Variants in AFF3 observed in about 807,000 individuals in gnomAD.
AFF3 encodes the protein ALF transcription elongation factor 3.
AFF3 carries 32 observed loss-of-function variants against 129.7 expected under a neutral mutation model. The ratio of observed to expected loss-of-function variants is 0.25; its 90% CI spans 0.19 to 0.33. The LOEUF (loss-of-function observed/expected upper bound fraction) is 0.33, where lower values mean the gene tolerates loss of function less well. Among genes scored for constraint, AFF3 ranks in the 10% least tolerant of loss-of-function variants. The probability of loss-of-function intolerance (pLI) is 1.00; values close to 1 mark genes in which losing one functional copy is unlikely to be tolerated. For synonymous variants in AFF3, 644 were observed against 635.4 expected, an observed-to-expected ratio of 1.01 and a Z score of -0.20; for missense variants, 1,373 against 1,592.0, an observed-to-expected ratio of 0.86 and a Z score of 2.34.
At chr2:99,688,736 T>G (rs1393734806) in intron 11 of AFF3, among the ~76,000 whole-genome samples, 1 of 152,090 alleles carries the variant, frequency 6.6e-6, no homozygotes, top group Non-Finnish European at 1.5e-5. Flanking sequence ...AACCATGACA[T>G]CCATGACTGC....
intron 8 of AFF3, 69 bp from the exon 9 acceptor site, chr2:99,752,370 C>G (rs1681727250): frequency 1.4e-6 from 2 of 1,390,080 alleles, no homozygotes; most frequent in Admixed American, 1.8e-5. Context: ...GTATGTAAAG[C>G]AGCTGTACAA....
chr2:99,805,611 A>G (rs1374665662), intron 8 of AFF3, among the ~76,000 whole-genome samples: 1 of 152,172 alleles, frequency 6.6e-6, no homozygotes, highest in Non-Finnish European at 1.5e-5. Context: ...ACCACAATCA[A>G]CACCACAGCC....
At chr2:99,969,367 T>C (rs908241486) in intron 7 of AFF3, among the ~76,000 whole-genome samples, 7 of 152,358 alleles carry the variant, frequency 4.6e-5, no homozygotes, top group Middle Eastern at 3.4e-3. Flanking sequence ...TGGGATGGAG[T>C]AAACTCCTTT....
At chr2:99,938,753 G>A (rs1674757751) in intron 7 of AFF3, among the ~76,000 whole-genome samples, 1 of 152,126 alleles carries the variant, frequency 6.6e-6, no homozygotes, top group Non-Finnish European at 1.5e-5. Flanking sequence ...TAGCCTGCTG[G>A]CCATCCCTGC....
intron 7 of AFF3, among the ~76,000 whole-genome samples, chr2:99,901,650 C>T (rs1287725434): frequency 6.6e-6 from 1 of 152,162 alleles, no homozygotes; most frequent in Non-Finnish European, 1.5e-5. Flanking sequence ...TTCTGAAGAG[C>T]CATCTTCTCT....
At chr2:99,691,551 A>G (rs1196168399) in intron 11 of AFF3, among the ~76,000 whole-genome samples, 1 of 125,566 alleles carries the variant, frequency 8.0e-6, no homozygotes, top group Non-Finnish European at 1.7e-5. Flanking sequence ...AATCCTCAAA[A>G]CAACCTAGAG....
chr2:99,703,641 C>G (rs1677082695), intron 11 of AFF3, among the ~76,000 whole-genome samples: 1 of 133,838 alleles, frequency 7.5e-6, no homozygotes, highest in Non-Finnish European at 1.6e-5. Context: ...TTTCTCATTT[C>G]TCTCTTTTTT....
At chr2:99,637,515 G>A (rs1178725652) in intron 13 of AFF3, among the ~76,000 whole-genome samples, 2 of 152,092 alleles carry the variant, frequency 1.3e-5, no homozygotes, top group African/African-American at 4.8e-5. Flanking sequence ...GAATGGGGAC[G>A]ACATATGCAA....
intron 8 of AFF3, among the ~76,000 whole-genome samples, chr2:99,760,921 C>T (rs978546579): frequency 4.6e-5 from 7 of 151,970 alleles, no homozygotes; most frequent in Non-Finnish European, 1.0e-4. Context: ...TAGTCACCTG[C>T]CCTTTTTTTT....
chr2:99,799,930 A>G (rs1685812092), intron 8 of AFF3, among the ~76,000 whole-genome samples: 1 of 152,202 alleles, frequency 6.6e-6, no homozygotes, highest in South Asian at 2.1e-4. Flanking sequence ...ACACTTCACA[A>G]TGAATCTTAA....
intron 11 of AFF3, among the ~76,000 whole-genome samples, chr2:99,695,970 A>G (rs1442229268): frequency 1.0e-5 from 1 of 99,326 alleles, no homozygotes; most frequent in Non-Finnish European, 1.9e-5. Context: ...ACCAAAAGAA[A>G]AAACCAAAAA....
intron 4 of AFF3, among the ~76,000 whole-genome samples, chr2:100,074,915 G>A (rs892214490): frequency 1.3e-5 from 2 of 152,204 alleles, no homozygotes; most frequent in African/African-American, 4.8e-5. Flanking sequence ...GAGCACTGGT[G>A]GAGAGGAGGC....
chr2:99,553,918 C>CAAAAAAAAAAAAAAAAAAAAAAAGAAAAA (rs1674659409), intron 24 of AFF3, among the ~76,000 whole-genome samples: 1 of 56,972 alleles, frequency 1.8e-5, no homozygotes, highest in Admixed American at 2.7e-4. Flanking sequence ...TGTCTCAAAC[C>CAAAAAAAAAAAAAAAAAAAAAAAGAAAAA]AAAAAAAAAA....
At chr2:99,927,605 A>G (rs1230904249) in intron 7 of AFF3, among the ~76,000 whole-genome samples, 1 of 152,126 alleles carries the variant, frequency 6.6e-6, no homozygotes, top group Non-Finnish European at 1.5e-5. Flanking sequence ...AAGGGAGGGG[A>G]TCAGAAAAAA....
intron 7 of AFF3, among the ~76,000 whole-genome samples, chr2:99,870,097 A>T (rs184227254): frequency 6.6e-6 from 1 of 152,298 alleles, no homozygotes; most frequent in Non-Finnish European, 1.5e-5. Flanking sequence ...CCTCAACACC[A>T]GTGTCTGAAC....
intron 8 of AFF3, among the ~76,000 whole-genome samples, chr2:99,784,774 A>G (rs566916968): frequency 1.9e-4 from 29 of 152,232 alleles, no homozygotes; most frequent in South Asian, 2.1e-4. Context: ...ATAGGTATAT[A>G]CCAAATGTAA....
At chr2:100,059,323 T>TG (rs1330652529) in intron 4 of AFF3, among the ~76,000 whole-genome samples, 6 of 138,850 alleles carry the variant, frequency 4.3e-5, no homozygotes, top group African/African-American at 1.7e-4. Flanking sequence ...GATAAATGAA[T>TG]GGCAAATAAG....
In AFF3 at chr2:99,548,353, T is replaced by G. The variant is rs1487156256; in HGVS notation, c.*3121A>C. 5.0e-6 allele frequency: 1 copy of G among 200,966 alleles called. No homozygotes were observed. The highest frequency in any genetic ancestry group is 1.0e-5 in the Non-Finnish European group (1 of 97,520). 12.4% of individuals were successfully genotyped at this position (200,966 alleles called of 1,614,324 possible). A position where few individuals can be genotyped will look rare whatever the true frequency, so the allele number is the denominator to read the frequency against. On this transcript the variant is annotated 3_prime_UTR_variant, in exon 25 of 25. Coordinates refer to ENST00000672756, the MANE Select transcript of AFF3 (RefSeq NM_001386135.1). The stretch of plus-strand genomic sequence containing the variant: ...TCAGGCAGAAGGGACAACCAGGGAC[T>G]TACACTTTCTACTTTCTACATTTCT...
chr2:99,779,327 T>C (rs1383521760), intron 8 of AFF3, among the ~76,000 whole-genome samples: 5 of 152,228 alleles, frequency 3.3e-5, no homozygotes, highest in African/African-American at 1.2e-4. Context: ...GAGTATGTTA[T>C]ATTAATTTCA....
Sources: gnomAD v4.1 joint callset for allele counts (sites outside exome capture counted in the v4.1 genomes callset) on GRCh38, gnomAD v4.1.1 for gene constraint, MANE v1.5 for transcripts, NCBI Gene and HGNC (gene_info 2026-07-23, HGNC 2026-07-21) for gene names.